Variants in HMGCLL1 observed in about 807,000 individuals in gnomAD.
The protein encoded by HMGCLL1 is 3-hydroxy-3-methylglutaryl-CoA lyase like 1.
HMGCLL1 carries 36 observed loss-of-function variants against 39.1 expected under a neutral mutation model. The ratio of observed to expected loss-of-function variants is 0.92; its 90% confidence interval spans 0.71 to 1.22. The LOEUF (loss-of-function observed/expected upper bound fraction) is 1.22. Among genes scored for constraint, HMGCLL1 ranks in the 50% most tolerant of loss-of-function variants. The probability of loss-of-function intolerance (pLI) is 0.00; values close to 1 mark genes in which losing one functional copy is unlikely to be tolerated. For missense variants in HMGCLL1, 451 were observed against 416.5 expected, an observed-to-expected ratio of 1.08 and a Z score of -0.72; for synonymous variants, 149 against 144.0, an observed-to-expected ratio of 1.03 and a Z score of -0.25.
intron 3 of HMGCLL1, among the ~76,000 whole-genome samples, chr6:55,540,573 G>A (rs1433488013): frequency 3.9e-5 from 6 of 152,124 alleles, no homozygotes; most frequent in Non-Finnish European, 8.8e-5. Context: ...GGACTTCCCA[G>A]CCTCCATAAC....
chr6:55,646,621 T>C, the HMGCLL1 span, among the ~76,000 whole-genome samples: 1 of 152,146 alleles, frequency 6.6e-6, no homozygotes, highest in East Asian at 1.9e-4. Flanking sequence ...AAGAAATTTT[T>C]CAATTTCCTT....
the HMGCLL1 span, among the ~76,000 whole-genome samples, chr6:55,617,422 A>T: frequency 6.6e-6 from 1 of 152,122 alleles, no homozygotes; most frequent in African/African-American, 2.4e-5. Context: ...GTTGGGAACC[A>T]TGCTAAATGA....
At chr6:55,525,278 T>G (rs2127444689) in intron 3 of HMGCLL1, among the ~76,000 whole-genome samples, 1 of 152,020 alleles carries the variant, frequency 6.6e-6, no homozygotes, top group East Asian at 1.9e-4. Flanking sequence ...TCTAAATGTT[T>G]AGGCTCTAAA....
intron 7 of HMGCLL1, among the ~76,000 whole-genome samples, chr6:55,487,114 C>T (rs746452489): frequency 9.2e-5 from 14 of 152,068 alleles, no homozygotes; most frequent in African/African-American, 2.4e-5. Context: ...CAGACCATAG[C>T]ACCCCTCATC....
chr6:55,541,650 G>A (rs1769439852), intron 3 of HMGCLL1, 79 bp downstream of exon 3: 1 of 707,638 alleles, frequency 1.4e-6, no homozygotes, highest in Non-Finnish European at 2.5e-6. Flanking sequence ...ATTATATCAA[G>A]TTAATATCAC....
chr6:55,618,390 T>C, the HMGCLL1 span, among the ~76,000 whole-genome samples: 2 of 151,944 alleles, frequency 1.3e-5, no homozygotes, highest in African/African-American at 2.4e-5. Flanking sequence ...AAATCATTAA[T>C]AAAATTATTC....
chr6:55,438,012 C>A (rs1763438375), intron 8 of HMGCLL1, among the ~76,000 whole-genome samples: 3 of 151,952 alleles, frequency 2.0e-5, no homozygotes, highest in Admixed American at 2.0e-4. Flanking sequence ...AATGTAGCAA[C>A]CCTTGGATGT....
In HMGCLL1 at chr6:55,571,208, A is replaced by C. The variant is rs1350537268; in HGVS notation, c.108+7740T>G. On this transcript the variant is annotated intron_variant, in intron 1 of 8. Transcript: ENST00000274901. ...ATTAAATCTTTAACCTCAAGTAAAA[A>C]TTACAAGTCTTTGGAACTCCCTACC... Among the ~76,000 whole-genome samples the C allele has an allele frequency of 3.3e-5, 5 of 152,322 alleles. No homozygotes were observed. In the East Asian group the frequency reaches 9.6e-4, roughly 29 times the overall value.
At chr6:55,610,587 T>TGGAA in the HMGCLL1 span, among the ~76,000 whole-genome samples, 1 of 151,814 alleles carries the variant, frequency 6.6e-6, no homozygotes, top group Non-Finnish European at 1.5e-5. Context: ...ATGAGGAGAA[T>TGGAA]GGAACCAAGA....
At chr6:55,489,373 G>A (rs1240435406) in intron 7 of HMGCLL1, among the ~76,000 whole-genome samples, 1 of 151,532 alleles carries the variant, frequency 6.6e-6, no homozygotes, top group African/African-American at 2.4e-5. Flanking sequence ...TGATCAAAAA[G>A]GTAATGAGTT....
the HMGCLL1 span, among the ~76,000 whole-genome samples, chr6:55,645,808 T>C: frequency 6.6e-6 from 1 of 151,958 alleles, no homozygotes; most frequent in Non-Finnish European, 1.5e-5. Context: ...CAGTATTTTG[T>C]TTAGGATTTT....
chr6:55,461,507 G>T (rs1764564883), intron 7 of HMGCLL1, among the ~76,000 whole-genome samples: 2 of 151,912 alleles, frequency 1.3e-5, no homozygotes, highest in Admixed American at 1.3e-4. Flanking sequence ...AATACAGTAA[G>T]GTTTAGGCAG....
intron 7 of HMGCLL1, among the ~76,000 whole-genome samples, chr6:55,462,074 C>G (rs1314565614): frequency 1.3e-5 from 2 of 152,040 alleles, no homozygotes; most frequent in South Asian, 4.2e-4. Context: ...TATATTCATG[C>G]GATTATGGGG....
chr6:55,660,146 A>G, the HMGCLL1 span, among the ~76,000 whole-genome samples: 1 of 151,792 alleles, frequency 6.6e-6, no homozygotes, highest in South Asian at 2.1e-4. Flanking sequence ...GCATTACTGA[A>G]TAATATTTAG....
chr6:55,604,543 A>T, the HMGCLL1 span, among the ~76,000 whole-genome samples: 5 of 152,166 alleles, frequency 3.3e-5, no homozygotes, highest in Non-Finnish European at 5.9e-5. Flanking sequence ...AAATTTTTGA[A>T]AGTTAGTATA....
chr6:55,523,703 G>A (rs557812765), intron 3 of HMGCLL1, among the ~76,000 whole-genome samples: 1 of 151,856 alleles, frequency 6.6e-6, no homozygotes, highest in Non-Finnish European at 1.5e-5. Context: ...ACAACTCACT[G>A]TAGAGTAGAG....
chr6:55,561,973 C>G (rs1479867996), intron 1 of HMGCLL1, among the ~76,000 whole-genome samples: 1 of 152,054 alleles, frequency 6.6e-6, no homozygotes, highest in African/African-American at 2.4e-5. Context: ...TATAAAATTT[C>G]CTTACAAAAT....
chr6:55,546,611 G>A (rs1769992015), intron 1 of HMGCLL1, among the ~76,000 whole-genome samples: 2 of 152,136 alleles, frequency 1.3e-5, no homozygotes, highest in Non-Finnish European at 2.9e-5. Flanking sequence ...AGATCTGGAA[G>A]CAACTGTGAG....
In HMGCLL1 at chr6:55,482,834, T is replaced by C. The variant is rs897622360; in HGVS notation, c.795+12585A>G. 3.3e-5 allele frequency among the ~76,000 whole-genome samples: 5 copies of C among 151,728 alleles called. No homozygotes were observed. In the East Asian group the frequency reaches 9.7e-4, roughly 30 times the overall value. ...TTTTCCATATCCCGCAAGAAAAGGTTCCCCCCCAAGAAATTTTTCAAGGTA... is the reference window on the plus strand; with the variant it reads ...TTTTCCATATCCCGCAAGAAAAGGTCCCCCCCCAAGAAATTTTTCAAGGTA... On this transcript the variant is annotated intron_variant, in intron 7 of 8. Coordinates refer to ENST00000274901, the MANE Select transcript of HMGCLL1 (RefSeq NM_001042406.2).
Sources: gnomAD v4.1 joint callset for allele counts (sites outside exome capture counted in the v4.1 genomes callset) on GRCh38, gnomAD v4.1.1 for gene constraint, MANE v1.5 for transcripts, NCBI Gene and HGNC (gene_info 2026-07-23, HGNC 2026-07-21) for gene names.